Variants in SYNPO2 observed in about 807,000 individuals in gnomAD.
SYNPO2 encodes synaptopodin 2.
Under a neutral mutation model 85.0 loss-of-function variants are expected in SYNPO2, and 56 were observed. That is an observed-to-expected ratio of 0.66 (90% CI 0.53 to 0.82). The LOEUF is 0.82. Ranked by LOEUF, SYNPO2 falls within the 40% of genes least tolerant of loss-of-function variation. The pLI, the probability that SYNPO2 is intolerant of heterozygous loss-of-function variation, is 0.00. For missense variants in SYNPO2, 1,575 were observed against 1,534.2 expected (o/e 1.03, Z -0.44); for synonymous variants, 602 against 591.1 (o/e 1.02, Z -0.27).
intron 1 of SYNPO2, among the ~76,000 whole-genome samples, chr4:118,857,113 T>C (rs1273661651): frequency 6.6e-6 from 1 of 152,200 alleles, no homozygotes; most frequent in East Asian, 1.9e-4. Flanking sequence ...GATGATAGTG[T>C]ATTAAACTCA....
At chr4:118,904,320 TCTA>T (rs1206774280) in intron 1 of SYNPO2, among the ~76,000 whole-genome samples, 2 of 152,216 alleles carry the variant, frequency 1.3e-5, no homozygotes, top group African/African-American at 4.8e-5. Context: ...TCTGCTGTCT[TCTA>T]CTCAGTGATT....
chr4:118,963,078 A>T (rs1004123891), intron 1 of SYNPO2, among the ~76,000 whole-genome samples: 2 of 152,200 alleles, frequency 1.3e-5, no homozygotes, highest in Admixed American at 1.3e-4. Context: ...AACATATCTG[A>T]GAGTGAACTC....
chr4:118,916,589 T>C (rs1733333159), intron 1 of SYNPO2, among the ~76,000 whole-genome samples: 1 of 152,046 alleles, frequency 6.6e-6, no homozygotes, highest in Non-Finnish European at 1.5e-5. Flanking sequence ...TTAAAATTAT[T>C]ATTTTAAAAT....
chr4:118,872,313 G>A (rs1290415947), intron 1 of SYNPO2, among the ~76,000 whole-genome samples: 2 of 152,094 alleles, frequency 1.3e-5, no homozygotes, highest in African/African-American at 4.8e-5. Context: ...AGCAAGCAAG[G>A]CACATTCCTT....
chr4:118,851,964 G>A (rs2892829), intron 1 of SYNPO2, among the ~76,000 whole-genome samples: 134,198 of 152,012 alleles, frequency 0.88, 59,350 homozygotes, highest in Middle Eastern at 0.94. Context: ...TTTTTCCCTA[G>A]AGGTTAATTG....
chr4:118,940,458 G>A (rs1359300204), intron 1 of SYNPO2, among the ~76,000 whole-genome samples: 3 of 151,558 alleles, frequency 2.0e-5, no homozygotes, highest in Admixed American at 6.6e-5. Flanking sequence ...ATTACCCAAA[G>A]GACTGCCTTA....
At chr4:118,939,255 C>T (rs944513009) in intron 1 of SYNPO2, among the ~76,000 whole-genome samples, 46 of 152,280 alleles carry the variant, frequency 3.0e-4, no homozygotes, top group African/African-American at 1.0e-3. Context: ...CCAGTTTAAC[C>T]GTCGTGTCCT....
intron 1 of SYNPO2, among the ~76,000 whole-genome samples, chr4:118,991,329 G>A (rs1452927889): frequency 6.6e-6 from 1 of 151,680 alleles, no homozygotes; most frequent in Non-Finnish European, 1.5e-5. Context: ...TGTATTTTTA[G>A]TAGAGACAGG....
intron 1 of SYNPO2, among the ~76,000 whole-genome samples, chr4:118,975,759 A>G (rs2149159226): frequency 6.6e-6 from 1 of 152,280 alleles, no homozygotes; most frequent in South Asian, 2.1e-4. Context: ...GCATTAAGTG[A>G]CCCAGTCTCA....
chr4:118,936,855 A>T (rs1041391069), intron 1 of SYNPO2, among the ~76,000 whole-genome samples: 3 of 152,146 alleles, frequency 2.0e-5, no homozygotes, highest in Admixed American at 6.6e-5. Context: ...GAGGAAGTTG[A>T]GCAGTGGTTT....
At chr4:119,005,396 A>T (rs1339498474) in intron 1 of SYNPO2, among the ~76,000 whole-genome samples, 2 of 151,752 alleles carry the variant, frequency 1.3e-5, no homozygotes, top group East Asian at 3.9e-4. Context: ...TCTTGAATTA[A>T]TTTTTGTTTA....
At chr4:118,875,338 C>T (rs1234710358) in intron 1 of SYNPO2, among the ~76,000 whole-genome samples, 1 of 152,010 alleles carries the variant, frequency 6.6e-6, no homozygotes, top group Non-Finnish European at 1.5e-5. Flanking sequence ...TGGTTGAGTA[C>T]TCTCTCTGAT....
intron 4 of SYNPO2, among the ~76,000 whole-genome samples, chr4:119,045,032 A>C (rs966514800): frequency 6.6e-6 from 1 of 152,220 alleles, no homozygotes; most frequent in African/African-American, 2.4e-5. Context: ...GCAGAGGCCA[A>C]ATCAAGTTTG....
chr4:119,048,714 G>A (rs1021274764), intron 4 of SYNPO2, among the ~76,000 whole-genome samples: 1 of 152,154 alleles, frequency 6.6e-6, no homozygotes, highest in Non-Finnish European at 1.5e-5. Context: ...AAATCCTGAG[G>A]CATGAGTGTA....
In SYNPO2 at chr4:119,011,403, T is replaced by C. The variant is rs377571997; in HGVS notation, c.106-12027T>C. 3.4e-3 allele frequency among the ~76,000 whole-genome samples: 520 copies of C among 152,326 alleles called. 4 individuals are homozygous for C. Among genetic ancestry groups the C allele is most frequent in the African/African-American group, 0.012 (486 of 41,574 alleles). On this transcript the variant is annotated intron_variant, in intron 1 of 4. Coordinates refer to ENST00000307142, the MANE Select transcript of SYNPO2 (RefSeq NM_133477.3). ...CTCTCTCATGGGGCCAGAAGAATGATGGCGAAATACAGTGATTGGCAGGAG... is the reference window on the plus strand; with the variant it reads ...CTCTCTCATGGGGCCAGAAGAATGACGGCGAAATACAGTGATTGGCAGGAG...
At chr4:119,015,336 T>A (rs1184994208) in intron 1 of SYNPO2, among the ~76,000 whole-genome samples, 1 of 152,130 alleles carries the variant, frequency 6.6e-6, no homozygotes, top group Non-Finnish European at 1.5e-5. Context: ...TGGAGAAAAA[T>A]TTTCATTTTA....
At chr4:118,943,618 A>G (rs780055351) in intron 1 of SYNPO2, among the ~76,000 whole-genome samples, 9 of 152,224 alleles carry the variant, frequency 5.9e-5, no homozygotes, top group Non-Finnish European at 1.2e-4. Flanking sequence ...GCTCTTTTGA[A>G]TATCATCAGT....
rs760954319 is a variant in SYNPO2 at position 119,030,851 on chromosome 4, G to A, written c.2076G>A (p.Thr692=). 1.9e-6 allele frequency: 3 copies of A among 1,614,106 alleles called. No homozygotes were observed. Among genetic ancestry groups the A allele is most frequent in the East Asian group, 4.5e-5 (2 of 44,876 alleles). The change falls in exon 4 of 5, where the codon ACG becomes ACA. Residue 692 remains threonine, a synonymous_variant. Transcript: ENST00000307142. ...TGCAGGAGGCCAAAAGGAGAAGCAC[G>A]ACAAAACCCATGTTTACTTTTAAAG... ...GILQEAKRRS[T]TKPMFTFKEP... is the part of the protein sequence containing the mutation.
At chr4:119,007,407 A>T (rs1249152091) in intron 1 of SYNPO2, among the ~76,000 whole-genome samples, 1 of 148,536 alleles carries the variant, frequency 6.7e-6, no homozygotes, top group Non-Finnish European at 1.5e-5. Context: ...AAAACAAAAA[A>T]CAAACAAAAA....
Sources: allele counts gnomAD v4.1 joint callset (sites outside exome capture counted in the v4.1 genomes callset), GRCh38; gene constraint gnomAD v4.1.1; transcripts MANE v1.5; gene names NCBI Gene and HGNC (gene_info 2026-07-23, HGNC 2026-07-21).